The following DCTN5 variants were observed in gnomAD, a reference collection of about 807,000 sequenced individuals.
DCTN5 encodes the protein dynactin subunit 5, also known as dynactin 4.
Under a neutral mutation model 23.5 loss-of-function variants are expected in DCTN5, and 14 were observed. The observed-to-expected ratio is 0.60, with a 90% CI of 0.39 to 0.93. The LOEUF (loss-of-function observed/expected upper bound fraction) is 0.93, where lower values mean the gene tolerates loss of function less well. Among genes scored for constraint, DCTN5 ranks in the 40% least tolerant of loss-of-function variants. The probability of loss-of-function intolerance (pLI) is 0.00; values close to 1 mark genes in which losing one functional copy is unlikely to be tolerated. For missense variants in DCTN5, 156 were observed against 225.9 expected (o/e 0.69, Z 1.98); for synonymous variants, 67 against 79.6 (o/e 0.84, Z 0.84).
intron 1 of DCTN5, 110 bp from the exon 2 acceptor site, chr16:23,642,845 G>T: frequency 1.1e-6 from 1 of 889,542 alleles, no homozygotes; most frequent in Non-Finnish European, 1.9e-6. Flanking sequence ...ATTGTGGACA[G>T]CACCCCACTT....
intron 4 of DCTN5, among the ~76,000 whole-genome samples, chr16:23,664,342 C>A (rs1967868366): frequency 6.6e-6 from 1 of 152,194 alleles, no homozygotes; most frequent in Admixed American, 6.5e-5. Flanking sequence ...ATAAGAAGTT[C>A]ATTTAGCAAT....
intron 2 of DCTN5, among the ~76,000 whole-genome samples, chr16:23,654,805 T>G (rs1222212956): frequency 6.6e-6 from 1 of 152,204 alleles, no homozygotes; most frequent in Non-Finnish European, 1.5e-5. Context: ...CTCTCTGTCT[T>G]GAAATCTGCT....
chr16:23,645,990 T>C (rs955860401), intron 2 of DCTN5, among the ~76,000 whole-genome samples: 4 of 152,200 alleles, frequency 2.6e-5, no homozygotes, highest in African/African-American at 9.7e-5. Context: ...TATGTTTAAC[T>C]TTTTGGGAAA....
intron 2 of DCTN5, among the ~76,000 whole-genome samples, chr16:23,649,494 T>C (rs1285345090): frequency 6.6e-6 from 1 of 152,182 alleles, no homozygotes; most frequent in Non-Finnish European, 1.5e-5. Flanking sequence ...GCATTTCCCC[T>C]ATGTTTTCTT....
rs1567232364 is a variant in DCTN5, at chr16:23,658,642, CT to C, written c.236+20del. 2 of 1,601,508 alleles carry C rather than the reference CT, an allele frequency of 1.2e-6. No individual in the cohort carries two copies. Among genetic ancestry groups the C allele is most frequent in the Non-Finnish European group, 1.7e-6 (2 of 1,168,596 alleles). The stretch of plus-strand genomic sequence containing the variant: ...CAGCAAAGGGTATGTAATTTAATTA[CT>C]TTGTTCAAGTCTTGGGCAAGAAGCT... On this transcript the variant is annotated intron_variant, in intron 3 of 5. Coordinates refer to ENST00000300087, the MANE Select transcript of DCTN5 (RefSeq NM_032486.4).
intron 2 of DCTN5, among the ~76,000 whole-genome samples, chr16:23,644,180 T>A (rs1967372004): frequency 6.6e-6 from 1 of 151,876 alleles, no homozygotes; most frequent in Non-Finnish European, 1.5e-5. Context: ...CAGGTCGGAG[T>A]ACAGTGGCGC....
rs867991634 is a variant in DCTN5, at chr16:23,641,719, C to A, written c.48+129C>A. ...TGGCCATTAGTCCCGGATTATCTAGCGATGCCCCGTGTACCGTCTGGCTTT... is the reference window on the plus strand; with the variant it reads ...TGGCCATTAGTCCCGGATTATCTAGAGATGCCCCGTGTACCGTCTGGCTTT... On this transcript the variant is annotated intron_variant, in intron 1 of 5. Coordinates refer to ENST00000300087, the MANE Select transcript of DCTN5 (RefSeq NM_032486.4). 50 of 949,088 alleles carry A rather than the reference C, an allele frequency of 5.3e-5. 2 individuals carry two copies. The South Asian group carries it at 6.8e-4, about 13-fold the overall frequency. The allele number at this position is 949,088 out of a possible 1,614,324, so 58.8% of individuals were successfully genotyped here.
intron 4 of DCTN5, among the ~76,000 whole-genome samples, chr16:23,662,295 G>A (rs1332614318): frequency 2.6e-5 from 4 of 152,146 alleles, no homozygotes; most frequent in Admixed American, 6.5e-5. Context: ...TCATCAAAGG[G>A]CATTTACATG....
intron 4 of DCTN5, among the ~76,000 whole-genome samples, chr16:23,661,751 TAA>T (rs986689057): frequency 6.6e-6 from 1 of 151,092 alleles, no homozygotes; most frequent in African/African-American, 2.4e-5. Context: ...AATAAATAAA[TAA>T]AAAGATTTGG....
chr16:23,641,721 A>C (rs1967268870), intron 1 of DCTN5, 131 bp downstream of exon 1: 1 of 933,774 alleles, frequency 1.1e-6, no homozygotes, highest in African/African-American at 1.6e-5. Flanking sequence ...TTATCTAGCG[A>C]TGCCCCGTGT....
chr16:23,643,093 C>T, intron 2 of DCTN5, 70 bp downstream of exon 2: 1 of 1,297,650 alleles, frequency 7.7e-7, no homozygotes, highest in Non-Finnish European at 1.1e-6. Context: ...CACAGCAGGG[C>T]AGATAAAATG....
chr16:23,643,912 A>G (rs1193594519), intron 2 of DCTN5, among the ~76,000 whole-genome samples: 2 of 152,050 alleles, frequency 1.3e-5, no homozygotes, highest in Non-Finnish European at 2.9e-5. Flanking sequence ...TGAAGTTCAC[A>G]GTTGTTTTCC....
chr16:23,654,779 G>A (rs1308927029), intron 2 of DCTN5, among the ~76,000 whole-genome samples: 2 of 151,984 alleles, frequency 1.3e-5, no homozygotes, highest in African/African-American at 4.8e-5. Context: ...CTTGGCCTTT[G>A]GTAACCAACA....
chr16:23,666,996 ACTT>A (rs1339643374), intron 5 of DCTN5, 48 bp from the exon 6 acceptor site: 6 of 1,610,018 alleles, frequency 3.7e-6, no homozygotes, highest in Non-Finnish European at 5.1e-6. Flanking sequence ...AAATATCTTA[ACTT>A]CTTGTAACTT....
chr16:23,675,628 G>A lies in DCTN5; in HGVS notation c.*8484G>A, dbSNP rs1270757505. On this transcript the variant is annotated 3_prime_UTR_variant, in exon 6 of 6. Coordinates refer to ENST00000300087, the MANE Select transcript of DCTN5 (RefSeq NM_032486.4). ...AATGCAATGTTATGATTGCTGAACA[G>A]GGCACGACTGTTTTTGTAATATTGG... 6.6e-6 allele frequency: 1 copy of A among 152,180 alleles called. No individual in the cohort carries two copies. The highest frequency in any genetic ancestry group is 6.5e-5 in the Admixed American group (1 of 15,282). 9.4% of individuals were successfully genotyped at this position (152,180 alleles called of 1,614,324 possible).
intron 3 of DCTN5, among the ~76,000 whole-genome samples, chr16:23,659,819 A>G (rs1463670474): frequency 6.6e-6 from 1 of 152,174 alleles, no homozygotes; most frequent in African/African-American, 2.4e-5. Flanking sequence ...AAAACCAGAA[A>G]ACCTCCTGGT....
chr16:23,645,013 C>T (rs1268168758), intron 2 of DCTN5, among the ~76,000 whole-genome samples: 1 of 139,978 alleles, frequency 7.1e-6, no homozygotes, highest in Non-Finnish European at 1.5e-5. Flanking sequence ...CTCTTGGCCT[C>T]AAGTGATCCA....
chr16:23,645,135 A>T (rs1360493489), intron 2 of DCTN5, among the ~76,000 whole-genome samples: 10,570 of 24,316 alleles, frequency 0.43, 1,775 homozygotes, highest in Admixed American at 0.48. Flanking sequence ...ATATATATAT[A>T]TATTTTTTTT....
Position 23,667,399 on chromosome 16 carries a change from A to T in DCTN5, c.*255A>T, listed in dbSNP as rs941735182. 6.1e-6 allele frequency: 3 copies of T among 490,420 alleles called. No individual in the cohort carries two copies. Among genetic ancestry groups the T allele is most frequent in the African/African-American group, 5.8e-5 (3 of 51,650 alleles). The allele number at this position is 490,420 out of a possible 1,614,324, so 30.4% of individuals were successfully genotyped here. On this transcript the variant is annotated 3_prime_UTR_variant, in exon 6 of 6. Transcript: ENST00000300087. ...CTATGAACAGTCACTTTGTACCATTATCTGTGGAACACAGAATCATCTGTT... is the reference window on the plus strand; with the variant it reads ...CTATGAACAGTCACTTTGTACCATTTTCTGTGGAACACAGAATCATCTGTT...
Sources: gnomAD v4.1 joint callset for allele counts (sites outside exome capture counted in the v4.1 genomes callset) on GRCh38, gnomAD v4.1.1 for gene constraint, MANE v1.5 for transcripts, NCBI Gene and HGNC (gene_info 2026-07-23, HGNC 2026-07-21) for gene names.